Variants in SYNE2 observed in about 807,000 individuals in gnomAD.
SYNE2 encodes the protein nesprin-2.
A neutral mutation model predicts 856.3 loss-of-function variants in SYNE2; 431 were observed. The observed-to-expected ratio is 0.50, with a 90% CI of 0.47 to 0.55. The LOEUF (loss-of-function observed/expected upper bound fraction) is 0.55. Ranked by LOEUF, SYNE2 falls within the 20% of genes least tolerant of loss-of-function variation. The probability of loss-of-function intolerance (pLI) is 0.00; values close to 1 mark genes in which losing one functional copy is unlikely to be tolerated. For synonymous variants in SYNE2, 2,923 were observed against 2,872.3 expected (o/e 1.02, Z -0.56); for missense variants, 8,129 against 8,023.2 (o/e 1.01, Z -0.50).
chr14:64,209,310 C>A, intron 101 of SYNE2, 118 bp from the exon 102 acceptor site: 1 of 1,534,992 alleles, frequency 6.5e-7, no homozygotes, highest in Non-Finnish European at 8.9e-7. Flanking sequence ...CCTCTTATTT[C>A]CCAGAAGGGG....
At chr14:63,857,435 ACAT>A (rs1048390952) in intron 1 of SYNE2, among the ~76,000 whole-genome samples, 2 of 152,218 alleles carry the variant, frequency 1.3e-5, no homozygotes, top group African/African-American at 4.8e-5. Context: ...GCTGCCATGA[ACAT>A]TATACACAGT....
At chr14:63,763,363 A>T (rs951530072) in intron 1 of SYNE2, among the ~76,000 whole-genome samples, 10 of 152,164 alleles carry the variant, frequency 6.6e-5, no homozygotes, top group Admixed American at 3.3e-4. Flanking sequence ...AATAAAGCAC[A>T]TTTTAACTCC....
At chr14:63,920,384 G>T (rs2095585683) in intron 2 of SYNE2, among the ~76,000 whole-genome samples, 1 of 151,568 alleles carries the variant, frequency 6.6e-6, no homozygotes, top group Admixed American at 6.6e-5. Context: ...AAGATGCTGC[G>T]GGCAGGAGAG....
At chr14:64,131,738 C>T (rs1035851217) in intron 76 of SYNE2, among the ~76,000 whole-genome samples, 1 of 152,152 alleles carries the variant, frequency 6.6e-6, no homozygotes, top group Non-Finnish European at 1.5e-5. Context: ...TGTGCCACCA[C>T]ACCTAGCTGG....
intron 2 of SYNE2, among the ~76,000 whole-genome samples, chr14:63,913,873 T>TTAATTTTAAATTTTTAAAATTA (rs1566787024): frequency 0.03 from 4,560 of 151,600 alleles, 235 homozygotes; most frequent in African/African-American, 0.1. Flanking sequence ...TTTTTAAAAT[T>TTAATTTTAAATTTTTAAAATTA]AAAAAAATAT....
At chr14:64,191,535 G>A (rs1384049945) in intron 99 of SYNE2, among the ~76,000 whole-genome samples, 1 of 152,186 alleles carries the variant, frequency 6.6e-6, no homozygotes, top group Non-Finnish European at 1.5e-5. Context: ...CATCGAAGCC[G>A]TTCAGGAAGT....
rs61091259 is a variant in SYNE2 at position 63,858,262 on chromosome 14, C to CTT, written c.-52+5150_-52+5151dup. On this transcript the variant is annotated intron_variant, in intron 1 of 115. Coordinates refer to ENST00000555002, the MANE Select transcript of SYNE2 (RefSeq NM_182914.3). Reference sequence around the variant, plus strand: ...TACAGGTGTGCGTCTCCACACCGGCCTTTTTTTTTTTTTTTTTTTTTTTTT... The same window carrying CTT: ...TACAGGTGTGCGTCTCCACACCGGCCTTTTTTTTTTTTTTTTTTTTTTTTTTT... Among the ~76,000 whole-genome samples the CTT allele has an allele frequency of 4.3e-3, 226 of 52,882 alleles. 3 individuals are homozygous for CTT. Among genetic ancestry groups the CTT allele is most frequent in the East Asian group, 0.02 (30 of 1,488 alleles). 34.7% of individuals were successfully genotyped at this position (52,882 alleles called of 152,430 possible).
In SYNE2 at chr14:63,912,341, A is replaced by G. The variant is rs555607585; in HGVS notation, c.79+3114A>G. Reference sequence around the variant, plus strand: ...TGCTTTCATAGCAGGATTATTAGCTATTTGAGAAAAAAAAAAGATGGACAA... The same window carrying G: ...TGCTTTCATAGCAGGATTATTAGCTGTTTGAGAAAAAAAAAAGATGGACAA... On this transcript the variant is annotated intron_variant, in intron 2 of 115. Transcript: ENST00000555002. Among the ~76,000 whole-genome samples, 6 of 152,124 alleles carry G rather than the reference A, an allele frequency of 3.9e-5. No homozygotes were observed. In the East Asian group the frequency reaches 7.7e-4, roughly 20 times the overall value.
At chr14:64,112,221 G>T (rs1348895090) in intron 65 of SYNE2, among the ~76,000 whole-genome samples, 1 of 152,152 alleles carries the variant, frequency 6.6e-6, no homozygotes, top group East Asian at 1.9e-4. Flanking sequence ...TTGAGTTAGG[G>T]TATATATTTG....
Position 64,212,825 on chromosome 14 carries a change from A to G in SYNE2, c.18876A>G (p.Glu6292=). The stretch of plus-strand genomic sequence containing the variant: ...TCTCTCAACAGGGCTTCCAACAGGA[A>G]ATTACATTAAATACCAACAAGATTG... ...KMRQLNGFQQ[E]ITLNTNKIDQ... Residue 6292 remains glutamate, a synonymous_variant, in exon 105 of 116, where the codon GAA becomes GAG. Transcript: ENST00000555002. 6.2e-7 allele frequency: 1 copy of G among 1,614,220 alleles called. No individual in the cohort carries two copies. The highest frequency in any genetic ancestry group is 8.5e-7 in the Non-Finnish European group (1 of 1,180,030).
In SYNE2 at chr14:64,101,947, G is replaced by T. The variant is rs758104840; in HGVS notation, c.12397G>T (p.Ala4133Ser). 3.6e-5 allele frequency: 58 copies of T among 1,613,424 alleles called. No homozygotes were observed. The highest frequency in any genetic ancestry group is 5.3e-5 in the African/African-American group (4 of 74,894). The change falls in exon 64 of 116, where the codon GCA (alanine) becomes TCA (serine). Residue 4133 changes from alanine to serine, a missense_variant. By Grantham distance (99) the Ala-to-Ser change is moderately conservative (BLOSUM62 1). Coordinates refer to ENST00000555002, the MANE Select transcript of SYNE2 (RefSeq NM_182914.3). ...ACTGTGATAGAATGGAGATGAGAAG[G>T]CAGAGCCATCGCCTCAGTCTTGGTC... Reference protein sequence around the residue: ...SVKSDNGDEKAEPSPQSWSSL... With the variant: ...SVKSDNGDEKSEPSPQSWSSL...
chr14:64,007,144 G>A lies in SYNE2; in HGVS notation c.4499G>A (p.Gly1500Asp). 1 of 1,614,022 alleles carries A rather than the reference G, an allele frequency of 6.2e-7. No homozygotes were observed. Among genetic ancestry groups the A allele is most frequent in the South Asian group, 1.1e-5 (1 of 91,084 alleles). Residue 1500 changes from glycine (G) to aspartate (D), a missense_variant, in exon 31 of 116, where the codon GGC becomes GAC. Gly to Asp is a moderately conservative substitution (Grantham distance 94). Around this residue, in one of 3 missense-constraint regions of SYNE2, gnomAD observed 2,422 missense variants for 2,357.4 expected, o/e 1.03. Transcript: ENST00000555002. ...MANSLPHFKD[G>D]REKTVNQQCQ... ...AATTCTCTTCCACACTTCAAAGATG[G>A]CAGAGAAAAAACCGTGAATCAACAG...
intron 1 of SYNE2, among the ~76,000 whole-genome samples, chr14:63,808,113 A>C (rs1888454219): frequency 7.0e-6 from 1 of 142,900 alleles, no homozygotes; most frequent in Non-Finnish European, 1.5e-5. Context: ...ATTTTTATAG[A>C]GATGAGGTTT....
chr14:64,030,659 CTTCTA>C (rs1386146707), intron 44 of SYNE2, among the ~76,000 whole-genome samples: 2 of 152,076 alleles, frequency 1.3e-5, no homozygotes, highest in Non-Finnish European at 2.9e-5. Flanking sequence ...CTAAATGATT[CTTCTA>C]TTCTTTTTAA....
intron 2 of SYNE2, among the ~76,000 whole-genome samples, chr14:63,914,196 C>G (rs1302738161): frequency 6.6e-6 from 1 of 152,104 alleles, no homozygotes; most frequent in Non-Finnish European, 1.5e-5. Context: ...AAGGTGTGCC[C>G]AGGGAACACT....
At chr14:64,162,601 G>A (rs189434265) in intron 88 of SYNE2, 1 of 391,318 alleles carries the variant, frequency 2.6e-6, no homozygotes, top group South Asian at 2.2e-5. Context: ...GTGTGACCCT[G>A]TAAGAATAAT....
chr14:64,159,475 A>G (rs931148038), intron 87 of SYNE2, 33 bp downstream of exon 87: 3 of 1,609,370 alleles, frequency 1.9e-6, no homozygotes, highest in African/African-American at 1.3e-5. Flanking sequence ...AATGATAGAT[A>G]TCTTTATCTT....
chr14:64,137,150 G>C (rs1361571867), intron 78 of SYNE2, among the ~76,000 whole-genome samples: 1 of 152,158 alleles, frequency 6.6e-6, no homozygotes, highest in African/African-American at 2.4e-5. Context: ...CTTGTTTTTT[G>C]TTTGTATGCA....
At chr14:63,970,953 C>T (rs2096467118) in intron 11 of SYNE2, among the ~76,000 whole-genome samples, 1 of 151,444 alleles carries the variant, frequency 6.6e-6, no homozygotes, top group Admixed American at 6.6e-5. Context: ...GTGCCTGGCC[C>T]CCGTTTCTCC....
Sources: gnomAD v4.1 joint callset for allele counts (sites outside exome capture counted in the v4.1 genomes callset) on GRCh38, gnomAD v4.1.1 for gene constraint, gnomAD v4.1.1 regional missense constraint, MANE v1.5 for transcripts, NCBI Gene and HGNC (gene_info 2026-07-23, HGNC 2026-07-21) for gene names.